Variants in PABPC4L observed in about 807,000 individuals in gnomAD.
PABPC4L encodes poly(A) binding protein cytoplasmic 4 like.
For synonymous variants in PABPC4L, 169 were observed against 164.1 expected (o/e 1.03, Z -0.23); for missense variants, 452 against 451.4 (o/e 1.00, Z -0.01).
chr4:133,951,504 G>A, the PABPC4L span, among the ~76,000 whole-genome samples: 2 of 152,032 alleles, frequency 1.3e-5, no homozygotes, highest in African/African-American at 2.4e-5. Flanking sequence ...CTACCAGCAG[G>A]GCCTTGGCAG....
the PABPC4L span, among the ~76,000 whole-genome samples, chr4:134,185,982 A>T: frequency 6.6e-6 from 1 of 152,144 alleles, no homozygotes; most frequent in Non-Finnish European, 1.5e-5. Flanking sequence ...CTTACAAGGG[A>T]GGTGAAGGAC....
chr4:133,961,787 G>A, the PABPC4L span, among the ~76,000 whole-genome samples: 12 of 152,138 alleles, frequency 7.9e-5, no homozygotes, highest in Non-Finnish European at 1.8e-4. Flanking sequence ...CAGGGTGTCC[G>A]CTGCACTTGT....
At chr4:134,026,363 G>A in the PABPC4L span, among the ~76,000 whole-genome samples, 22,102 of 151,832 alleles carry the variant, frequency 0.15, 1,943 homozygotes, top group Non-Finnish European at 0.19. Context: ...AGCCTCCCGA[G>A]TAGCTGGGAC....
At chr4:134,055,669 T>G in the PABPC4L span, among the ~76,000 whole-genome samples, 1 of 150,170 alleles carries the variant, frequency 6.7e-6, no homozygotes, top group African/African-American at 2.4e-5. Flanking sequence ...ATTGGATTGA[T>G]AATTTTTTTT....
the PABPC4L span, among the ~76,000 whole-genome samples, chr4:134,067,431 A>G: frequency 5.3e-5 from 8 of 151,906 alleles, no homozygotes; most frequent in African/African-American, 1.9e-4. Context: ...TTTCTTTATT[A>G]GACTAGCTAA....
At chr4:133,964,907 C>T in the PABPC4L span, among the ~76,000 whole-genome samples, 1 of 152,042 alleles carries the variant, frequency 6.6e-6, no homozygotes, top group African/African-American at 2.4e-5. Flanking sequence ...AGAACTGGAA[C>T]AAGACAAGGA....
chr4:134,059,503 CAGAA>C, the PABPC4L span, among the ~76,000 whole-genome samples: 16 of 150,608 alleles, frequency 1.1e-4, no homozygotes, highest in South Asian at 2.7e-3. Context: ...TTTATATTCT[CAGAA>C]AGAAAATACT....
chr4:133,962,074 A>G, the PABPC4L span, among the ~76,000 whole-genome samples: 7 of 152,190 alleles, frequency 4.6e-5, no homozygotes, highest in African/African-American at 1.4e-4. Context: ...CATCCATAGG[A>G]AAAGGGAGAG....
the PABPC4L span, among the ~76,000 whole-genome samples, chr4:133,993,017 G>A: frequency 6.6e-5 from 10 of 152,024 alleles, no homozygotes; most frequent in African/African-American, 2.4e-4. Flanking sequence ...GAGGGGGTGT[G>A]AACATAAGCA....
At chr4:134,157,349 T>A in the PABPC4L span, among the ~76,000 whole-genome samples, 1 of 151,668 alleles carries the variant, frequency 6.6e-6, no homozygotes, top group Admixed American at 6.6e-5. Context: ...TTAAGACAAG[T>A]ATAGTATCAT....
chr4:133,984,332 A>G, the PABPC4L span, among the ~76,000 whole-genome samples: 3 of 151,764 alleles, frequency 2.0e-5, no homozygotes, highest in African/African-American at 4.8e-5. Context: ...GAGATGCATA[A>G]TTTTTTAAAT....
the PABPC4L span, among the ~76,000 whole-genome samples, chr4:133,989,556 A>G: frequency 1.6e-4 from 24 of 152,228 alleles, no homozygotes; most frequent in Non-Finnish European, 2.9e-5. Flanking sequence ...GCCATTTAAC[A>G]AGTCTCAAGA....
the PABPC4L span, among the ~76,000 whole-genome samples, chr4:133,958,769 C>G: frequency 6.6e-6 from 1 of 152,232 alleles, no homozygotes; most frequent in South Asian, 2.1e-4. Flanking sequence ...AATTCACTTA[C>G]TATCACAAGA....
the PABPC4L span, among the ~76,000 whole-genome samples, chr4:133,960,577 C>T: frequency 7.2e-5 from 11 of 152,230 alleles, no homozygotes; most frequent in East Asian, 3.9e-4. Context: ...GGTCAGAACT[C>T]GGGGGAGGGC....
At chr4:134,142,531 G>C in the PABPC4L span, among the ~76,000 whole-genome samples, 1 of 151,568 alleles carries the variant, frequency 6.6e-6, no homozygotes, top group Non-Finnish European at 1.5e-5. Context: ...TATTGGTCTT[G>C]TAGTATTTAT....
At chr4:134,186,743 G>T in the PABPC4L span, among the ~76,000 whole-genome samples, 1 of 152,082 alleles carries the variant, frequency 6.6e-6, no homozygotes, top group Non-Finnish European at 1.5e-5. Context: ...ACTACCATCA[G>T]CGTGAACAGG....
chr4:134,045,239 A>G, the PABPC4L span, among the ~76,000 whole-genome samples: 1 of 152,152 alleles, frequency 6.6e-6, no homozygotes, highest in Non-Finnish European at 1.5e-5. Context: ...ATTAGTGAAG[A>G]TCTATTATAC....
At chr4:134,162,542 C>T in the PABPC4L span, among the ~76,000 whole-genome samples, 1 of 152,094 alleles carries the variant, frequency 6.6e-6, no homozygotes, top group Admixed American at 6.6e-5. Flanking sequence ...GAACACTCTA[C>T]TCTAGAACTG....
the PABPC4L span, among the ~76,000 whole-genome samples, chr4:133,954,875 A>G: frequency 2.6e-5 from 4 of 152,118 alleles, no homozygotes; most frequent in Admixed American, 1.3e-4. Flanking sequence ...GTTCCCCCAC[A>G]GGAGAGAAAG....
Sources: allele counts gnomAD v4.1 joint callset (sites outside exome capture counted in the v4.1 genomes callset), GRCh38; gene constraint gnomAD v4.1.1; transcripts MANE v1.5; gene names NCBI Gene and HGNC (gene_info 2026-07-23, HGNC 2026-07-21).